Variants in KDM4C observed in about 807,000 individuals in gnomAD.
KDM4C encodes lysine demethylase 4C.
A neutral mutation model predicts 129.3 loss-of-function variants in KDM4C; 81 were observed. The ratio of observed to expected loss-of-function variants is 0.63; its 90% CI spans 0.52 to 0.75. The LOEUF is 0.75. KDM4C is among the 30% of genes least tolerant of loss of function. The probability of loss-of-function intolerance (pLI) is 0.00; values close to 1 mark genes in which losing one functional copy is unlikely to be tolerated. For missense variants in KDM4C, 1,457 were observed against 1,304.0 expected (o/e 1.12, Z -1.81); for synonymous variants, 573 against 456.1 (o/e 1.26, Z -3.26).
At chr9:6,869,456 A>C (rs1253127654) in intron 5 of KDM4C, among the ~76,000 whole-genome samples, 1 of 152,214 alleles carries the variant, frequency 6.6e-6, no homozygotes, top group Non-Finnish European at 1.5e-5. Context: ...GTTTTAGCTT[A>C]GATTACTTGG....
At chr9:6,961,405 A>G (rs1165409169) in intron 8 of KDM4C, among the ~76,000 whole-genome samples, 14 of 152,192 alleles carry the variant, frequency 9.2e-5, no homozygotes, top group Admixed American at 9.2e-4. Flanking sequence ...CTGCCTTACT[A>G]GATGCAGGTA....
At position 6,748,812 on chromosome 9, in the gene KDM4C, A is replaced by G. The variant is rs1013813223; in HGVS notation, c.49+27815A>G. On this transcript the variant is annotated intron_variant, in intron 1 of 17. Coordinates refer to the KDM4C transcript ENST00000536108. ...ATGAATCTCTTCTGCATCATCTAAT[A>G]CAAGGTTCATATACTCATCAAAACC... 1.3e-5 allele frequency: 17 copies of G among 1,332,414 alleles called. No individual in the cohort carries two copies. In the African/African-American group the frequency reaches 2.1e-4, roughly 17 times the overall value. 82.5% of individuals were successfully genotyped at this position (1,332,414 alleles called of 1,614,324 possible). A position where few individuals can be genotyped will look rare whatever the true frequency, so the allele number is the denominator to read the frequency against.
intron 5 of KDM4C, among the ~76,000 whole-genome samples, chr9:6,878,146 A>T (rs140515672): frequency 6.6e-6 from 1 of 152,182 alleles, no homozygotes; most frequent in Non-Finnish European, 1.5e-5. Context: ...TTACCACAGT[A>T]TGGCTTTCAG....
chr9:6,898,758 T>A (rs981518335), intron 8 of KDM4C, among the ~76,000 whole-genome samples: 1 of 152,240 alleles, frequency 6.6e-6, no homozygotes, highest in African/African-American at 2.4e-5. Flanking sequence ...TCTCTAAAAT[T>A]AAGTTAGATA....
At chr9:6,939,959 A>T (rs76494770) in intron 8 of KDM4C, among the ~76,000 whole-genome samples, 1,564 of 112,120 alleles carry the variant, frequency 0.014, 49 homozygotes, top group East Asian at 0.044. Flanking sequence ...TCCAATAACC[A>T]ACCTACCTAC....
At chr9:6,755,303 G>A (rs1421928369), upstream of KDM4C, among the ~76,000 whole-genome samples, 3 of 152,170 alleles carry the variant, frequency 2.0e-5, no homozygotes, top group South Asian at 2.1e-4. Context: ...CCCAGGAGGC[G>A]GAGGTTGCAG....
chr9:6,749,244 C>A (rs557013986), intron 1 of KDM4C, among the ~76,000 whole-genome samples: 1 of 152,206 alleles, frequency 6.6e-6, no homozygotes, highest in South Asian at 2.1e-4. Flanking sequence ...GTTTCGAACC[C>A]CCGACCTCAG....
intron 8 of KDM4C, among the ~76,000 whole-genome samples, chr9:6,903,648 T>C (rs963256062): frequency 1.8e-4 from 27 of 152,242 alleles, no homozygotes; most frequent in African/African-American, 6.5e-4. Context: ...ATAGGAATCA[T>C]TGAATAACCA....
intron 19 of KDM4C, among the ~76,000 whole-genome samples, chr9:7,133,727 C>T (rs527772507): frequency 1.3e-5 from 2 of 152,170 alleles, no homozygotes; most frequent in South Asian, 2.1e-4. Context: ...GTGTAAAACC[C>T]GTTTCAGTGT....
chr9:7,016,016 G>T (rs902829087), intron 15 of KDM4C, 87 bp downstream of exon 15: 3 of 897,766 alleles, frequency 3.3e-6, no homozygotes, highest in Non-Finnish European at 5.4e-6. Context: ...AGATAAGATT[G>T]CTCAGGTGCT....
intron 8 of KDM4C, among the ~76,000 whole-genome samples, chr9:6,963,762 C>T (rs1339558016): frequency 1.3e-5 from 2 of 152,226 alleles, no homozygotes; most frequent in Non-Finnish European, 2.9e-5. Context: ...TCCTGCCTCT[C>T]AGTCTTCTTA....
intron 9 of KDM4C, 75 bp from the exon 10 acceptor site, chr9:6,984,091 G>T (rs1817249770): frequency 5.7e-6 from 5 of 884,728 alleles, no homozygotes; most frequent in African/African-American, 3.3e-5. Context: ...AAGTGAAAAT[G>T]ACATTTATAT....
chr9:7,148,558 G>A (rs1046532489), intron 19 of KDM4C, among the ~76,000 whole-genome samples: 7 of 152,232 alleles, frequency 4.6e-5, no homozygotes, highest in African/African-American at 1.7e-4. Context: ...GCCACTGTCT[G>A]GGAGTGTATC....
chr9:6,789,293 T>C (rs1463270537), intron 1 of KDM4C, among the ~76,000 whole-genome samples: 12 of 146,702 alleles, frequency 8.2e-5, no homozygotes, highest in Non-Finnish European at 4.5e-5. Context: ...TGATCTCAGC[T>C]CACTGCAACC....
chr9:6,760,384 G>A (rs1819168132), intron 1 of KDM4C, among the ~76,000 whole-genome samples: 1 of 151,394 alleles, frequency 6.6e-6, no homozygotes, highest in African/African-American at 2.4e-5. Context: ...TTTTGGCTGA[G>A]TAATGCTATG....
intron 5 of KDM4C, among the ~76,000 whole-genome samples, chr9:6,873,870 A>G (rs1164541098): frequency 6.6e-6 from 1 of 151,890 alleles, no homozygotes; most frequent in Non-Finnish European, 1.5e-5. Context: ...AATGAGAGGC[A>G]TGGAGCTCTT....
chr9:6,802,249 C>T lies in KDM4C; in HGVS notation c.145-3350C>T, dbSNP rs564419649. On this transcript the variant is annotated intron_variant, in intron 2 of 21. Coordinates refer to ENST00000381309, the MANE Select transcript of KDM4C (RefSeq NM_015061.6). ...GAAAGACTAAGAGTTAAATGATGGA[C>T]AGTATTAGGTGATGATGAAGGTGTG... Among the ~76,000 whole-genome samples, 14 of 152,192 alleles carry T rather than the reference C, an allele frequency of 9.2e-5. No individual in the cohort carries two copies. The East Asian group carries it at 2.5e-3, about 27-fold the overall frequency.
intron 3 of KDM4C, among the ~76,000 whole-genome samples, chr9:6,807,952 C>T (rs1185398221): frequency 7.9e-6 from 1 of 126,180 alleles, no homozygotes; most frequent in African/African-American, 3.0e-5. Context: ...GGGGGGTCAG[C>T]CCCCCGCCCG....
At chr9:6,743,360 G>T (rs541322792) in intron 1 of KDM4C, among the ~76,000 whole-genome samples, 205 of 152,258 alleles carry the variant, frequency 1.3e-3, no homozygotes, top group African/African-American at 4.8e-3. Context: ...GCACACGGGA[G>T]GTATGAGGCA....
Sources: gnomAD v4.1 joint callset for allele counts (sites outside exome capture counted in the v4.1 genomes callset) on GRCh38, gnomAD v4.1.1 for gene constraint, MANE v1.5 for transcripts, NCBI Gene and HGNC (gene_info 2026-07-23, HGNC 2026-07-21) for gene names.